The following NTRK3 variants were observed in gnomAD, a reference collection of about 807,000 sequenced individuals.
NTRK3 encodes the protein neurotrophic receptor tyrosine kinase 3, also known as NT-3 growth factor receptor.
In NTRK3, 24 loss-of-function variants were observed where a neutral mutation model predicts 91.7. The observed-to-expected ratio is 0.26, with a 90% CI of 0.19 to 0.37. NTRK3 has a LOEUF of 0.37. NTRK3 is among the 10% of genes least tolerant of loss of function. The probability of loss-of-function intolerance (pLI) is 1.00; values close to 1 mark genes in which losing one functional copy is unlikely to be tolerated. For missense variants in NTRK3, 880 were observed against 1,068.9 expected (o/e 0.82, Z 2.46); for synonymous variants, 483 against 404.0 (o/e 1.20, Z -2.34).
At chr15:88,225,378 C>A (rs563192042) in intron 3 of NTRK3, among the ~76,000 whole-genome samples, 70 of 152,248 alleles carry the variant, frequency 4.6e-4, no homozygotes, top group African/African-American at 1.7e-3. Context: ...CTAAAAGAGA[C>A]CAGCCAGTCA....
chr15:87,894,513 G>A (rs1394675454), intron 17 of NTRK3, among the ~76,000 whole-genome samples: 1 of 152,190 alleles, frequency 6.6e-6, no homozygotes, highest in Non-Finnish European at 1.5e-5. Flanking sequence ...TTCCCTGATG[G>A]TATGGGGTTG....
At chr15:88,048,309 T>G (rs920814943) in intron 13 of NTRK3, among the ~76,000 whole-genome samples, 8 of 152,132 alleles carry the variant, frequency 5.3e-5, no homozygotes. Flanking sequence ...CATAACGTTA[T>G]TGGATGAAGG....
At chr15:88,064,690 G>T (rs1384895534) in intron 13 of NTRK3, among the ~76,000 whole-genome samples, 1 of 152,172 alleles carries the variant, frequency 6.6e-6, no homozygotes, top group East Asian at 1.9e-4. Context: ...GGGTGGACAT[G>T]ACAGAACCAA....
chr15:87,880,452 A>G (rs757865417), intron 17 of NTRK3, 24 bp from the exon 19 acceptor site: 11 of 1,612,582 alleles, frequency 6.8e-6, no homozygotes, highest in Non-Finnish European at 9.3e-6. Context: ...AGATAGAGGC[A>G]CACAGAGTGA....
chr15:88,181,116 C>T (rs2046417089), intron 5 of NTRK3, among the ~76,000 whole-genome samples: 1 of 152,046 alleles, frequency 6.6e-6, no homozygotes, highest in African/African-American at 2.4e-5. Context: ...TGGGGGTAAA[C>T]TAATGGTCAT....
chr15:87,958,923 A>G (rs943932925), intron 14 of NTRK3, among the ~76,000 whole-genome samples: 3 of 151,762 alleles, frequency 2.0e-5, no homozygotes, highest in African/African-American at 7.3e-5. Context: ...AGCCCAATGC[A>G]CTCTATCATT....
chr15:88,241,982 A>G lies in NTRK3; in HGVS notation c.248+13924T>C, dbSNP rs546948354. Among the ~76,000 whole-genome samples the G allele has an allele frequency of 1.4e-4, 21 of 152,230 alleles. No homozygotes were observed. Among genetic ancestry groups the G allele is most frequent in the African/African-American group, 4.3e-4 (18 of 41,538 alleles). On this transcript the variant is annotated intron_variant, in intron 3 of 18. Transcript: ENST00000394480. This position sits in a 1 kb window ranked among gnomAD's most constrained non-coding sequence, Gnocchi z 4.3. ...GGGTCCTGCTCTCCACGGCTTTCCC[A>G]GCTCTCCCAAGTGGCTGGCCCATCA...
intron 17 of NTRK3, among the ~76,000 whole-genome samples, chr15:87,911,250 T>A (rs2141739419): frequency 6.6e-6 from 1 of 152,184 alleles, no homozygotes; most frequent in East Asian, 1.9e-4. Flanking sequence ...TAATATTTGA[T>A]AGCATCATGA....
intron 14 of NTRK3, among the ~76,000 whole-genome samples, chr15:87,965,201 G>T (rs981345820): frequency 1.3e-5 from 2 of 152,160 alleles, no homozygotes; most frequent in Non-Finnish European, 2.9e-5. Context: ...GTGATGGGAT[G>T]GTGGATAATT....
At chr15:87,864,974 C>G (rs961693543) in exon 19 of NTRK3, 10 of 214,666 alleles carry the variant, frequency 4.7e-5, no homozygotes, top group African/African-American at 2.0e-4. Context: ...GTCTACTGAA[C>G]AGTAGTCCGA....
chr15:88,039,451 T>C (rs553573988), intron 13 of NTRK3, among the ~76,000 whole-genome samples: 1 of 152,114 alleles, frequency 6.6e-6, no homozygotes, highest in Non-Finnish European at 1.5e-5. Flanking sequence ...AACAGAACCA[T>C]TGGATAACTG....
At chr15:87,864,728 T>G (rs2141382318) in exon 19 of NTRK3, 1 of 229,526 alleles carries the variant, frequency 4.4e-6, no homozygotes, top group Middle Eastern at 1.3e-3. Context: ...ATGGCAAAAC[T>G]TCTAAAAAAC....
chr15:87,870,788 T>G (rs984284413), exon 19 of NTRK3: 1 of 222,296 alleles, frequency 4.5e-6, no homozygotes, highest in African/African-American at 2.2e-5. Flanking sequence ...TTCTCAGAAG[T>G]AGATGTTCAA....
At chr15:87,933,098 G>C (rs944569547) in exon 16 of NTRK3, 44 of 1,613,962 alleles carry the variant, frequency 2.7e-5, no homozygotes, top group Non-Finnish European at 3.6e-5. Flanking sequence ...CATAGAACTT[G>C]ACAATGTGCT....
At chr15:88,137,878 C>A (rs1023608408) in intron 6 of NTRK3, among the ~76,000 whole-genome samples, 1 of 152,136 alleles carries the variant, frequency 6.6e-6, no homozygotes, top group Non-Finnish European at 1.5e-5. Context: ...TGGTGAAACC[C>A]CGTCTCTACT....
intron 3 of NTRK3, among the ~76,000 whole-genome samples, chr15:88,217,764 A>ATTTTTT (rs57874235): frequency 0.031 from 4,421 of 143,678 alleles, 211 homozygotes; most frequent in African/African-American, 0.08. Flanking sequence ...TTGTAGCACA[A>ATTTTTT]TTTTTTTTTT....
chr15:88,046,032 A>G (rs1308980506), intron 13 of NTRK3, among the ~76,000 whole-genome samples: 1 of 152,198 alleles, frequency 6.6e-6, no homozygotes, highest in African/African-American at 2.4e-5. Flanking sequence ...ACACAATTCA[A>G]CCCACAGCAC....
At chr15:88,084,086 CT>C (rs764435924) in intron 13 of NTRK3, among the ~76,000 whole-genome samples, 5,690 of 135,552 alleles carry the variant, frequency 0.042, 245 homozygotes, top group African/African-American at 0.11. Context: ...GTCCAAGTGC[CT>C]TTTTTTTTTT....
intron 5 of NTRK3, among the ~76,000 whole-genome samples, chr15:88,149,796 G>A (rs1170539780): frequency 6.6e-6 from 1 of 152,188 alleles, no homozygotes; most frequent in Non-Finnish European, 1.5e-5. Flanking sequence ...CAGGACAACA[G>A]GATTTGGTAC....
Sources: allele counts gnomAD v4.1 joint callset (sites outside exome capture counted in the v4.1 genomes callset), GRCh38; gene constraint gnomAD v4.1.1; non-coding constraint Gnocchi (gnomAD v3.1); transcripts MANE v1.5; gene names NCBI Gene and HGNC (gene_info 2026-07-23, HGNC 2026-07-21).